PARD3: variants seen among roughly 807,000 people sequenced by gnomAD.
The protein encoded by PARD3 is partitioning defective 3 homolog.
Under a neutral mutation model 155.4 loss-of-function variants are expected in PARD3, and 75 were observed. That is an observed-to-expected ratio of 0.48 (90% confidence interval 0.40 to 0.58). The LOEUF is 0.58. Ranked by LOEUF, PARD3 falls within the 20% of genes least tolerant of loss-of-function variation. The pLI is 0.00. For missense variants in PARD3, 1,642 were observed against 1,721.7 expected (o/e 0.95, Z 0.82); for synonymous variants, 576 against 610.5 (o/e 0.94, Z 0.83).
intron 20 of PARD3, among the ~76,000 whole-genome samples, chr10:34,306,681 G>C (rs901523524): frequency 7.2e-5 from 11 of 152,132 alleles, no homozygotes; most frequent in Admixed American, 3.9e-4. Context: ...CAAATACCAT[G>C]ACGTAGATCC....
At chr10:34,208,434 T>C (rs555955114) in intron 22 of PARD3, among the ~76,000 whole-genome samples, 1 of 152,308 alleles carries the variant, frequency 6.6e-6, no homozygotes, top group South Asian at 2.1e-4. Flanking sequence ...CATCTAATGT[T>C]GCTAACATGT....
chr10:34,790,932 C>T (rs1027160169), intron 1 of PARD3, among the ~76,000 whole-genome samples: 1 of 152,190 alleles, frequency 6.6e-6, no homozygotes, highest in African/African-American at 2.4e-5. Flanking sequence ...GCCTCCTACA[C>T]GCATGCACAG....
chr10:34,806,706 T>TG (rs1389996995), intron 1 of PARD3, among the ~76,000 whole-genome samples: 3 of 152,108 alleles, frequency 2.0e-5, no homozygotes, highest in South Asian at 2.1e-4. Context: ...ATTTCAAAGT[T>TG]GGGGGGGTCG....
chr10:34,554,758 G>C (rs1448217566), intron 2 of PARD3, among the ~76,000 whole-genome samples: 1 of 151,626 alleles, frequency 6.6e-6, no homozygotes, highest in African/African-American at 2.4e-5. Context: ...CTTTAAAATT[G>C]GAAAAAAAAT....
intron 2 of PARD3, among the ~76,000 whole-genome samples, chr10:34,529,480 G>A (rs934390485): frequency 1.1e-4 from 16 of 152,164 alleles, no homozygotes; most frequent in Non-Finnish European, 2.4e-4. Flanking sequence ...TCACCCCAGT[G>A]CTATTAAACA....
chr10:34,277,935 T>A (rs571646425), intron 21 of PARD3, among the ~76,000 whole-genome samples: 3 of 152,256 alleles, frequency 2.0e-5, no homozygotes, highest in South Asian at 4.2e-4. Context: ...GGGAATAAGA[T>A]CTAGCTCCCA....
At chr10:34,437,660 C>T (rs2076254545) in intron 5 of PARD3, among the ~76,000 whole-genome samples, 1 of 151,956 alleles carries the variant, frequency 6.6e-6, no homozygotes, top group Non-Finnish European at 1.5e-5. Flanking sequence ...CCCCTGGACT[C>T]TCTAAAGAAA....
At chr10:34,731,564 A>C (rs561476552) in intron 1 of PARD3, among the ~76,000 whole-genome samples, 1 of 152,346 alleles carries the variant, frequency 6.6e-6, no homozygotes, top group African/African-American at 2.4e-5. Context: ...GTAAAATAAA[A>C]GTACTTATTT....
chr10:34,708,210 G>C (rs191374977), intron 1 of PARD3, among the ~76,000 whole-genome samples: 58 of 151,094 alleles, frequency 3.8e-4, no homozygotes, highest in Non-Finnish European at 5.7e-4. Flanking sequence ...TCCAGAATAT[G>C]AGTTTTTCTT....
intron 5 of PARD3, among the ~76,000 whole-genome samples, chr10:34,413,446 C>A (rs1845326215): frequency 5.6e-5 from 1 of 17,720 alleles, no homozygotes; most frequent in Admixed American, 9.3e-4. Context: ...GCCAGCTCTA[C>A]CTTTTTTTTT....
At chr10:34,453,768 A>G (rs1380188020) in intron 4 of PARD3, among the ~76,000 whole-genome samples, 1 of 152,228 alleles carries the variant, frequency 6.6e-6, no homozygotes, top group Non-Finnish European at 1.5e-5. Flanking sequence ...AAAAAACAGT[A>G]CACTGTTTCT....
At chr10:34,711,427 A>G (rs1217795766) in intron 1 of PARD3, among the ~76,000 whole-genome samples, 1 of 152,066 alleles carries the variant, frequency 6.6e-6, no homozygotes, top group Non-Finnish European at 1.5e-5. Context: ...AGGCTGAGGC[A>G]GAAGAATCCC....
intron 22 of PARD3, among the ~76,000 whole-genome samples, chr10:34,221,706 C>T (rs1441753727): frequency 6.6e-6 from 1 of 152,154 alleles, no homozygotes; most frequent in Non-Finnish European, 1.5e-5. Context: ...AGAAAAAGAT[C>T]AGGCAACCTG....
intron 1 of PARD3, among the ~76,000 whole-genome samples, chr10:34,737,037 C>T (rs978322144): frequency 6.6e-6 from 1 of 152,156 alleles, no homozygotes; most frequent in African/African-American, 2.4e-5. Context: ...TCTCCCTCCC[C>T]TTTTACGGTT....
intron 2 of PARD3, among the ~76,000 whole-genome samples, chr10:34,682,144 T>C (rs1040055066): frequency 6.6e-6 from 1 of 152,126 alleles, no homozygotes; most frequent in African/African-American, 2.4e-5. Context: ...CAAGTGCTGA[T>C]AACAAAATGC....
chr10:34,451,700 T>C (rs2077066503), intron 4 of PARD3, among the ~76,000 whole-genome samples: 1 of 150,354 alleles, frequency 6.7e-6, no homozygotes, highest in Non-Finnish European at 1.5e-5. Flanking sequence ...TGAAACTTCA[T>C]AAACTTTAAG....
intron 22 of PARD3, among the ~76,000 whole-genome samples, chr10:34,190,075 C>G (rs71487350): frequency 0.029 from 4,366 of 152,172 alleles, 90 homozygotes; most frequent in Non-Finnish European, 0.04. Context: ...CATTCATGGG[C>G]AAAAGGGCTA....
At chr10:34,131,369 T>C in intron 23 of PARD3, 94 bp downstream of exon 23, 1 of 1,406,408 alleles carries the variant, frequency 7.1e-7, no homozygotes, top group Non-Finnish European at 9.9e-7. Flanking sequence ...CTCCATCTTG[T>C]CTCGTTTCAT....
At chr10:34,803,060 T>C (rs1478421613) in intron 1 of PARD3, among the ~76,000 whole-genome samples, 1 of 129,844 alleles carries the variant, frequency 7.7e-6, no homozygotes, top group Non-Finnish European at 1.6e-5. Context: ...ACCCCGTCTC[T>C]ACTAAAAATG....
Sources: gnomAD v4.1 joint callset for allele counts (sites outside exome capture counted in the v4.1 genomes callset) on GRCh38, gnomAD v4.1.1 for gene constraint, MANE v1.5 for transcripts, NCBI Gene and HGNC (gene_info 2026-07-23, HGNC 2026-07-21) for gene names.